The following PPARA variants were observed in gnomAD, a reference collection of about 807,000 sequenced individuals.
PPARA encodes the protein peroxisome proliferator-activated receptor alpha.
PPARA carries 22 observed loss-of-function variants against 42.2 expected under a neutral mutation model. That is an observed-to-expected ratio of 0.52 (90% CI 0.37 to 0.74). The LOEUF is 0.74. Ranked by LOEUF, PPARA falls within the 30% of genes least tolerant of loss-of-function variation. The pLI is 0.00. For missense variants in PPARA, 465 were observed against 608.2 expected (o/e 0.76, Z 2.48); for synonymous variants, 242 against 239.3 (o/e 1.01, Z -0.10).
intron 3 of PPARA, among the ~76,000 whole-genome samples, chr22:46,177,399 G>A (rs1024256639): frequency 6.6e-6 from 1 of 150,944 alleles, no homozygotes; most frequent in Admixed American, 6.6e-5. Context: ...AGGAGGCAGA[G>A]GTTGCAGTGA....
In PPARA at chr22:46,162,559, C is replaced by T. The variant is rs762248144; in HGVS notation, c.-127+10589C>T. 2.6e-5 allele frequency among the ~76,000 whole-genome samples: 4 copies of T among 152,126 alleles called. No individual in the cohort carries two copies. Among genetic ancestry groups the T allele is most frequent in the East Asian group, 1.9e-4 (1 of 5,184 alleles). On this transcript the variant is annotated intron_variant, in intron 2 of 8. Transcript: ENST00000407236. The surrounding 1 kb of genome is among the most constrained non-coding windows in gnomAD (Gnocchi z 6.0). ...TTGTAACACCTGGTGCTTTTCCTTT[C>T]GTGCACTCAGGCAGTGTTTATTCAA... is the stretch of plus-strand genomic sequence containing the variant.
rs1410017814 is a variant in PPARA, at chr22:46,195,148, C to G, written c.-42-3194C>G. Among the ~76,000 whole-genome samples the G allele has an allele frequency of 6.6e-6, 1 of 151,932 alleles. No homozygotes were observed. Among genetic ancestry groups the G allele is most frequent in the Non-Finnish European group, 1.5e-5 (1 of 67,986 alleles). ...GAACTCCTGACCTTAAGTGATCTGC[C>G]CGCCTCAGCCTCCCAAAGTGCTGGG... is the stretch of plus-strand genomic sequence containing the variant. On this transcript the variant is annotated intron_variant, in intron 3 of 8. Transcript: ENST00000407236. This position sits in a 1 kb window ranked among gnomAD's most constrained non-coding sequence, Gnocchi z 4.6.
chr22:46,198,610 A>G lies in PPARA; in HGVS notation c.208+19A>G, dbSNP rs777811127. 5 of 1,602,536 alleles carry G rather than the reference A, an allele frequency of 3.1e-6. No homozygotes were observed. Among genetic ancestry groups the G allele is most frequent in the African/African-American group, 1.3e-5 (1 of 74,494 alleles). ...ATCACGGGTAAGTGTGCCGTTTCCT[A>G]GAAAGTTTTATTTAGAAATGTTTCT... On this transcript the variant is annotated intron_variant, in intron 4 of 8. Transcript: ENST00000407236.
In PPARA at chr22:46,205,735, T is replaced by C. The variant is rs1412385156; in HGVS notation, c.208+7144T>C. On this transcript the variant is annotated intron_variant, in intron 4 of 8. Coordinates refer to ENST00000407236, the MANE Select transcript of PPARA (RefSeq NM_005036.6). ...GCATGTGCTACCAGGCCCGGCTAAT[T>C]ACCAGCCTTATATTTTTGAACTCTG... Among the ~76,000 whole-genome samples the C allele has an allele frequency of 2.0e-5, 3 of 151,056 alleles. No homozygotes were observed. The Admixed American group carries it at 2.0e-4, about 10-fold the overall frequency.
intron 2 of PPARA, among the ~76,000 whole-genome samples, chr22:46,157,068 C>T (rs1236588061): frequency 1.3e-5 from 2 of 152,156 alleles, no homozygotes; most frequent in Non-Finnish European, 1.5e-5. Context: ...GACACAGTTC[C>T]GTCAAGCCAG....
At chr22:46,166,227 GA>G (rs2147158887) in intron 2 of PPARA, among the ~76,000 whole-genome samples, 1 of 152,252 alleles carries the variant, frequency 6.6e-6, no homozygotes, top group South Asian at 2.1e-4. Flanking sequence ...ATTGGTCCCT[GA>G]GCATCTGTCG....
Position 46,191,056 on chromosome 22 carries a change from G to A in PPARA, c.-42-7286G>A, listed in dbSNP as rs1268958565. Among the ~76,000 whole-genome samples the A allele has an allele frequency of 6.6e-6, 1 of 152,136 alleles. No individual in the cohort carries two copies. Among genetic ancestry groups the A allele is most frequent in the Admixed American group, 6.5e-5 (1 of 15,276 alleles). ...AATATACAAAAAATTAGCCGGGCGTGGTGGTGTGTGCCTGTAGTCCCAGCT... is the reference window on the plus strand; with the variant it reads ...AATATACAAAAAATTAGCCGGGCGTAGTGGTGTGTGCCTGTAGTCCCAGCT... On this transcript the variant is annotated intron_variant, in intron 3 of 8. Transcript: ENST00000407236. The surrounding 1 kb of genome is among the most constrained non-coding windows in gnomAD (Gnocchi z 4.6).
intron 3 of PPARA, among the ~76,000 whole-genome samples, chr22:46,179,868 A>G (rs1929702347): frequency 6.6e-6 from 1 of 152,240 alleles, no homozygotes; most frequent in Admixed American, 6.5e-5. Context: ...ACTCACCTAG[A>G]AGAAAATAAC....
rs1928119618 is a variant in PPARA at position 46,171,987 on chromosome 22, A to G, written c.-126-4766A>G. On this transcript the variant is annotated intron_variant, in intron 2 of 8. Transcript: ENST00000407236. The surrounding 1 kb of genome is among the most constrained non-coding windows in gnomAD (Gnocchi z 5.0). ...TGGGGCCCGGCCAAGCAAGGTGGCTAAGTGGGAAAGGCTCCACCGCGTTGG... is the reference window on the plus strand; with the variant it reads ...TGGGGCCCGGCCAAGCAAGGTGGCTGAGTGGGAAAGGCTCCACCGCGTTGG... Among the ~76,000 whole-genome samples, 1 of 152,086 alleles carries G rather than the reference A, an allele frequency of 6.6e-6. No homozygotes were observed. Among genetic ancestry groups the G allele is most frequent in the East Asian group, 1.9e-4 (1 of 5,176 alleles).
At position 46,222,609 on chromosome 22, in the gene PPARA, G is replaced by A. The variant is rs1316197713; in HGVS notation, c.711+2595G>A. Among the ~76,000 whole-genome samples, 18 of 152,192 alleles carry A rather than the reference G, an allele frequency of 1.2e-4. No homozygotes were observed. Among genetic ancestry groups the A allele is most frequent in the Admixed American group, 1.2e-3 (18 of 15,274 alleles). ...ATTAGAACTTTCCTGGATTACGAGA[G>A]TGAAAGAAAAGGTAACTTTTAGCTT... On this transcript the variant is annotated intron_variant, in intron 7 of 8. Transcript: ENST00000407236. The surrounding 1 kb of genome is among the most constrained non-coding windows in gnomAD (Gnocchi z 5.9).
chr22:46,216,811 C>T lies in PPARA; in HGVS notation c.370-1452C>T, dbSNP rs530983089. Among the ~76,000 whole-genome samples, 3 of 152,196 alleles carry T rather than the reference C, an allele frequency of 2.0e-5. No individual in the cohort carries two copies. Among genetic ancestry groups the T allele is most frequent in the East Asian group, 1.9e-4 (1 of 5,198 alleles). On this transcript the variant is annotated intron_variant, in intron 5 of 8. Transcript: ENST00000407236. This position sits in a 1 kb window ranked among gnomAD's most constrained non-coding sequence, Gnocchi z 4.5. ...CTGGTGGCCCTTCCGTGTTTGTCAG[C>T]GTGGTGATGAGGAGAGCTCCTGTAG...
chr22:46,198,251 A>AAAAAAAAAAAAG (rs1357897517), intron 3 of PPARA, 91 bp from the exon 4 acceptor site: 1 of 465,334 alleles, frequency 2.1e-6, no homozygotes. Context: ...AAAAAAAAAA[A>AAAAAAAAAAAAG]AAGAATAAAT....
chr22:46,178,358 T>C (rs1250970337), intron 3 of PPARA, among the ~76,000 whole-genome samples: 1 of 152,122 alleles, frequency 6.6e-6, no homozygotes, highest in East Asian at 1.9e-4. Context: ...TAACAAAACC[T>C]CCATACAAAT....
intron 4 of PPARA, 21 bp from the exon 5 acceptor site, chr22:46,215,152 G>A (rs778535857): frequency 1.4e-5 from 22 of 1,612,382 alleles, no homozygotes; most frequent in Non-Finnish European, 9.3e-6. Flanking sequence ...CTATTCATCC[G>A]TCTCTCCTCT....
chr22:46,174,891 T>G (rs1307007393), intron 2 of PPARA, among the ~76,000 whole-genome samples: 1 of 152,088 alleles, frequency 6.6e-6, no homozygotes, highest in African/African-American at 2.4e-5. Context: ...CTTAAAACAT[T>G]TTTTGGATAA....
intron 2 of PPARA, among the ~76,000 whole-genome samples, chr22:46,172,851 T>G (rs1414015257): frequency 6.6e-6 from 1 of 152,202 alleles, no homozygotes; most frequent in South Asian, 2.1e-4. Context: ...CTTGGCCCCA[T>G]GAGGGACAAT....
intron 2 of PPARA, among the ~76,000 whole-genome samples, chr22:46,158,709 AT>A (rs1245037270): frequency 2.6e-5 from 4 of 152,162 alleles, no homozygotes; most frequent in South Asian, 2.1e-4. Context: ...AGTGGGATGA[AT>A]TTTTTGAAGC....
chr22:46,228,259 G>A (rs552470422), intron 7 of PPARA, among the ~76,000 whole-genome samples: 1 of 152,136 alleles, frequency 6.6e-6, no homozygotes, highest in Non-Finnish European at 1.5e-5. Context: ...GTCCCGCAGT[G>A]TGTGGTGGCT....
In PPARA at chr22:46,165,138, T is replaced by A; in HGVS notation, c.-126-11615T>A. 6.6e-6 allele frequency: 1 copy of A among 152,240 alleles called. No individual in the cohort carries two copies. The highest frequency in any genetic ancestry group is 1.5e-5 in the Non-Finnish European group (1 of 68,110). 9.4% of individuals were successfully genotyped at this position (152,240 alleles called of 1,614,324 possible). Reference sequence around the variant, plus strand: ...GCAACCTCTGCCTCCGGGGTATAAGTGATTCTCCCATATCAGCCTCCCGAG... The same window carrying A: ...GCAACCTCTGCCTCCGGGGTATAAGAGATTCTCCCATATCAGCCTCCCGAG... On this transcript the variant is annotated intron_variant, in intron 2 of 8. Coordinates refer to ENST00000407236, the MANE Select transcript of PPARA (RefSeq NM_005036.6). The surrounding 1 kb of genome is among the most constrained non-coding windows in gnomAD (Gnocchi z 5.5).
Sources: gnomAD v4.1 joint callset for allele counts (sites outside exome capture counted in the v4.1 genomes callset) on GRCh38, gnomAD v4.1.1 for gene constraint, Gnocchi (gnomAD v3.1) non-coding constraint, MANE v1.5 for transcripts, NCBI Gene and HGNC (gene_info 2026-07-23, HGNC 2026-07-21) for gene names.